PAX9: variants seen among roughly 807,000 people sequenced by gnomAD.
The protein encoded by PAX9 is paired box 9, also known as paired box protein Pax-9.
In PAX9, 6 loss-of-function variants were observed where a neutral mutation model predicts 29.1. The ratio of observed to expected loss-of-function variants is 0.21; its 90% CI spans 0.11 to 0.41. PAX9 has a LOEUF of 0.41. PAX9 is among the 10% of genes least tolerant of loss of function. The probability of loss-of-function intolerance (pLI) is 1.00; values close to 1 mark genes in which losing one functional copy is unlikely to be tolerated. For synonymous variants in PAX9, 217 were observed against 211.7 expected, an observed-to-expected ratio of 1.03 and a Z score of -0.22; for missense variants, 443 against 479.1, an observed-to-expected ratio of 0.92 and a Z score of 0.70.
intron 1 of PAX9, 192 bp from the exon 2 acceptor site, chr14:36,662,705 G>T (rs1881324284): frequency 6.1e-6 from 4 of 656,094 alleles, no homozygotes; most frequent in Non-Finnish European, 1.0e-5. Context: ...TGAGGGAGGG[G>T]GTCCGATTGG....
chr14:36,670,261 T>C (rs997078846), intron 3 of PAX9, among the ~76,000 whole-genome samples: 1 of 152,032 alleles, frequency 6.6e-6, no homozygotes, highest in African/African-American at 2.4e-5. Context: ...GTTGCAGATA[T>C]TAATTTGGCA....
upstream of PAX9, among the ~76,000 whole-genome samples, chr14:36,660,050 A>AGG (rs200381969): frequency 2.6e-5 from 4 of 152,110 alleles, no homozygotes. Flanking sequence ...CCTGTCTGTG[A>AGG]GGGGGGAGGA....
rs1881347811 is a variant in PAX9 at position 36,663,158 on chromosome 14, C to T, written c.266C>T (p.Thr89Ile). 3 of 1,613,930 alleles carry T rather than the reference C, an allele frequency of 1.9e-6. No homozygotes were observed. Among genetic ancestry groups the T allele is most frequent in the South Asian group, 1.1e-5 (1 of 91,090 alleles). Residue 89 changes from threonine to isoleucine, a missense_variant, in exon 2 of 4, where the codon ACC becomes ATC. By Grantham distance (89) the Thr-to-Ile change is moderately conservative. Coordinates refer to ENST00000361487, the MANE Select transcript of PAX9 (RefSeq NM_001372076.1). ...TTPTVVKHIR[T>I]YKQRDPGIFA... ...CCCACCGTGGTGAAACACATCCGGA[C>T]CTACAAGCAGAGAGACCCCGGCATC...
At chr14:36,671,996 T>C (rs1566475501) in intron 3 of PAX9, 1 of 152,188 alleles carries the variant, frequency 6.6e-6, no homozygotes, top group Non-Finnish European at 1.5e-5. Context: ...GATAGTTTGC[T>C]ATAGAGAGCA....
chr14:36,662,226 G>T (rs962407937), intron 1 of PAX9, 133 bp downstream of exon 1: 3 of 1,045,978 alleles, frequency 2.9e-6, no homozygotes, highest in Non-Finnish European at 1.3e-6. Context: ...CTTTGCTCGT[G>T]TTCCTACAAG....
At chr14:36,659,064 G>A (rs903866654), upstream of PAX9, among the ~76,000 whole-genome samples, 1 of 152,226 alleles carries the variant, frequency 6.6e-6, no homozygotes, top group African/African-American at 2.4e-5. Flanking sequence ...AGGAGGCCTC[G>A]ACGCGGCTAG....
In PAX9 at chr14:36,678,544, G is replaced by A. The variant is rs1035800350; in HGVS notation, c.*2092G>A. On this transcript the variant is annotated 3_prime_UTR_variant, in exon 4 of 4. Coordinates refer to ENST00000361487, the MANE Select transcript of PAX9 (RefSeq NM_001372076.1). ...AAAGATCCAATCCAATATTTTGGTG[G>A]AGACTTCTTTAAAACCATACCATAC... 134 of 1,536,496 alleles carry A rather than the reference G, an allele frequency of 8.7e-5. No individual in the cohort carries two copies. The Admixed American group carries it at 2.6e-3, about 30-fold the overall frequency.
At chr14:36,661,268 A>G (rs929700537), upstream of PAX9, among the ~76,000 whole-genome samples, 2 of 151,820 alleles carry the variant, frequency 1.3e-5, no homozygotes, top group Non-Finnish European at 1.5e-5. Flanking sequence ...GGTAGGAGGA[A>G]CCTCCCTGGC....
intron 3 of PAX9, among the ~76,000 whole-genome samples, chr14:36,666,824 C>T (rs774285514): frequency 3.3e-5 from 5 of 152,322 alleles, no homozygotes; most frequent in Admixed American, 2.0e-4. Flanking sequence ...CGGGAGCGCT[C>T]GTCAGGGCGC....
intron 3 of PAX9, among the ~76,000 whole-genome samples, chr14:36,666,833 G>T (rs556582444): frequency 9.1e-4 from 139 of 152,334 alleles, no homozygotes; most frequent in Non-Finnish European, 1.7e-3. Flanking sequence ...TCGTCAGGGC[G>T]CTGGGGGTCT....
Position 36,679,005 on chromosome 14 carries a change from G to GTGT in PAX9, c.*2556_*2558dup, listed in dbSNP as rs1451781179. 6.4e-6 allele frequency: 6 copies of GTGT among 938,496 alleles called. No homozygotes were observed. In the African/African-American group the frequency reaches 7.0e-5, roughly 11 times the overall value. 58.1% of individuals were successfully genotyped at this position (938,496 alleles called of 1,614,324 possible). ...TTCCTCTATCTCATAGATGGTAAAA[G>GTGT]TGTTGCTTTTAAACTGGCAAATGCA... On this transcript the variant is annotated 3_prime_UTR_variant, in exon 4 of 4. Coordinates refer to ENST00000361487, the MANE Select transcript of PAX9 (RefSeq NM_001372076.1).
At chr14:36,670,262 T>TAA in intron 3 of PAX9, among the ~76,000 whole-genome samples, 1 of 152,036 alleles carries the variant, frequency 6.6e-6, no homozygotes, top group Non-Finnish European at 1.5e-5. Flanking sequence ...TTGCAGATAT[T>TAA]AATTTGGCAA....
chr14:36,667,592 CT>C (rs1881554202), intron 3 of PAX9, among the ~76,000 whole-genome samples: 1 of 152,152 alleles, frequency 6.6e-6, no homozygotes, highest in Admixed American at 6.5e-5. Flanking sequence ...TCAAAATCAG[CT>C]TTTAAAATTA....
At chr14:36,670,784 T>G (rs1278757681) in intron 3 of PAX9, among the ~76,000 whole-genome samples, 1 of 152,066 alleles carries the variant, frequency 6.6e-6, no homozygotes, top group East Asian at 1.9e-4. Context: ...TTCAAGGCTA[T>G]GTCAATTTTA....
At position 36,663,483 on chromosome 14, in the gene PAX9, C is replaced by A. The variant is rs752450876; in HGVS notation, c.591C>A (p.Ser197=). 1 of 1,613,034 alleles carries A rather than the reference C, an allele frequency of 6.2e-7. No individual in the cohort carries two copies. The highest frequency in any genetic ancestry group is 8.5e-7 in the Non-Finnish European group (1 of 1,179,902). The part of the protein sequence containing the change: ...AMPRTWPSSH[S]VTDILGIRSI... ...CGCGCACCTGGCCCTCCTCGCACTC[C>A]GTCACCGACATCCTGGGCATCCGCT... The change falls in exon 2 of 4, where the codon TCC becomes TCA. Residue 197 remains serine, a synonymous_variant. Coordinates refer to ENST00000361487, the MANE Select transcript of PAX9 (RefSeq NM_001372076.1).
chr14:36,670,190 T>G (rs1162549464), intron 3 of PAX9, among the ~76,000 whole-genome samples: 1 of 152,084 alleles, frequency 6.6e-6, no homozygotes, highest in Non-Finnish European at 1.5e-5. Context: ...ACATTGCATA[T>G]CTGATACTCT....
rs1393672911 is a variant in PAX9 at position 36,678,990 on chromosome 14, T to C, written c.*2538T>C. The C allele has an allele frequency of 4.1e-6, 4 of 974,784 alleles. No homozygotes were observed. The African/African-American group carries it at 7.4e-5, about 18-fold the overall frequency. 60.4% of individuals were successfully genotyped at this position (974,784 alleles called of 1,614,324 possible). ...TTAATGTTGACATATTTCCTCTATC[T>C]CATAGATGGTAAAAGTGTTGCTTTT... On this transcript the variant is annotated 3_prime_UTR_variant, in exon 4 of 4. Coordinates refer to ENST00000361487, the MANE Select transcript of PAX9 (RefSeq NM_001372076.1).
At chr14:36,662,351 G>C (rs1003097089) in intron 1 of PAX9, among the ~76,000 whole-genome samples, 3 of 152,140 alleles carry the variant, frequency 2.0e-5, no homozygotes, top group African/African-American at 7.2e-5. Flanking sequence ...TGGCATCAGC[G>C]AGCCCCTCAG....
intron 3 of PAX9, among the ~76,000 whole-genome samples, chr14:36,668,905 T>TA (rs1219409006): frequency 6.6e-6 from 1 of 152,118 alleles, no homozygotes; most frequent in Non-Finnish European, 1.5e-5. Flanking sequence ...GAATATAATT[T>TA]AAAGAAATAA....
Sources: allele counts gnomAD v4.1 joint callset (sites outside exome capture counted in the v4.1 genomes callset), GRCh38; gene constraint gnomAD v4.1.1; transcripts MANE v1.5; gene names NCBI Gene and HGNC (gene_info 2026-07-23, HGNC 2026-07-21).